The following CCDC61 variants were observed in gnomAD, a reference collection of about 807,000 sequenced individuals.
The protein encoded by CCDC61 is centrosomal protein CCDC61.
A neutral mutation model predicts 63.0 loss-of-function variants in CCDC61; 55 were observed. That is an observed-to-expected ratio of 0.87 (90% CI 0.70 to 1.09). The LOEUF is 1.09. Ranked by LOEUF, CCDC61 falls within the 50% of genes least tolerant of loss-of-function variation. The pLI is 0.00. For missense variants in CCDC61, 651 were observed against 731.4 expected (o/e 0.89, Z 1.27); for synonymous variants, 270 against 317.0 (o/e 0.85, Z 1.58).
At chr19:45,996,204 C>T (rs1392235938) in intron 1 of CCDC61, 1 of 152,314 alleles carries the variant, frequency 6.6e-6, no homozygotes, top group East Asian at 1.9e-4. Context: ...GCTAGCTTCA[C>T]CCTCTTTATC....
At chr19:46,003,946 AT>A (rs918437729) in intron 3 of CCDC61, among the ~76,000 whole-genome samples, 12 of 144,380 alleles carry the variant, frequency 8.3e-5, no homozygotes, top group Admixed American at 6.9e-5. Context: ...TTGTTTGTTT[AT>A]TTTTTTTTTG....
In CCDC61 at chr19:46,005,828, A is replaced by G. The variant is rs1227868274; in HGVS notation, c.232-731A>G. 2.0e-5 allele frequency among the ~76,000 whole-genome samples: 3 copies of G among 151,996 alleles called. No individual in the cohort carries two copies. The East Asian group carries it at 5.8e-4, about 29-fold the overall frequency. On this transcript the variant is annotated intron_variant, in intron 3 of 13. Transcript: ENST00000595358. ...CAAGTAAAAATAGTGTTCTATGAAA[A>G]GTGGCTAATTTAGCTCAAAACTCAG...
At chr19:46,014,091 G>A (rs1054871831) in intron 5 of CCDC61, among the ~76,000 whole-genome samples, 7 of 151,952 alleles carry the variant, frequency 4.6e-5, no homozygotes, top group Admixed American at 3.3e-4. Context: ...TTCCAAAACT[G>A]AAAAAGAGGG....
chr19:46,008,402 C>G (rs1968759527), intron 5 of CCDC61, 101 bp downstream of exon 5: 3 of 992,448 alleles, frequency 3.0e-6, no homozygotes, highest in Admixed American at 2.8e-5. Flanking sequence ...CTGTCCTTCG[C>G]CCACCACGTA....
Position 46,016,657 on chromosome 19 carries a change from G to C in CCDC61, c.1092-37G>C. 2 of 1,608,916 alleles carry C rather than the reference G, an allele frequency of 1.2e-6. No homozygotes were observed. ...AGTGACCCCCTTGCCTGCAGGAGTT[G>C]GGCGTACAGACCGGCGTCTCCTTTC... On this transcript the variant is annotated intron_variant, in intron 9 of 13. Coordinates refer to ENST00000595358, the MANE Select transcript of CCDC61 (RefSeq NM_001267723.2). This position sits in a 1 kb window ranked among gnomAD's most constrained non-coding sequence, Gnocchi z 7.2.
Position 46,016,515 on chromosome 19 carries a change from C to A in CCDC61, c.1091+122C>A. 7.2e-7 allele frequency: 1 copy of A among 1,385,652 alleles called. No homozygotes were observed. Among genetic ancestry groups the A allele is most frequent in the Non-Finnish European group, 1.0e-6 (1 of 1,003,376 alleles). The allele number at this position is 1,385,652 out of a possible 1,614,324, so 85.8% of individuals were successfully genotyped here. A position where few individuals can be genotyped will look rare whatever the true frequency, so the allele number is the denominator to read the frequency against. On this transcript the variant is annotated intron_variant, in intron 9 of 13. Transcript: ENST00000595358. The surrounding 1 kb of genome is among the most constrained non-coding windows in gnomAD (Gnocchi z 7.2). ...CCACCTGCTCGCTTCTCGCCGGATACCCCGCCTGCTCTCCCTTCCGTCCGT... is the reference window on the plus strand; with the variant it reads ...CCACCTGCTCGCTTCTCGCCGGATAACCCGCCTGCTCTCCCTTCCGTCCGT...
At position 46,015,979 on chromosome 19, in the gene CCDC61, T is replaced by A; in HGVS notation, c.846-75T>A. On this transcript the variant is annotated intron_variant, in intron 7 of 13. Transcript: ENST00000595358. The surrounding 1 kb of genome is among the most constrained non-coding windows in gnomAD (Gnocchi z 5.3). ...GGTAGGCCTGAGGGTTCGGAGAAGG[T>A]GCGGTCGGGGAGGAGTCTCGCGATT... 1 of 1,194,708 alleles carries A rather than the reference T, an allele frequency of 8.4e-7. No homozygotes were observed. 74.0% of individuals were successfully genotyped at this position (1,194,708 alleles called of 1,614,324 possible). A position where few individuals can be genotyped will look rare whatever the true frequency, so the allele number is the denominator to read the frequency against.
Position 46,018,442 on chromosome 19 carries a change from G to C in CCDC61, c.*55G>C, listed in dbSNP as rs1048220040. 2.8e-6 allele frequency: 4 copies of C among 1,448,476 alleles called. No homozygotes were observed. The highest frequency in any genetic ancestry group is 1.3e-5 in the South Asian group (1 of 79,894). The allele number at this position is 1,448,476 out of a possible 1,614,324, so 89.7% of individuals were successfully genotyped here. A position where few individuals can be genotyped will look rare whatever the true frequency, so the allele number is the denominator to read the frequency against. On this transcript the variant is annotated 3_prime_UTR_variant, in exon 14 of 14. Coordinates refer to ENST00000595358, the MANE Select transcript of CCDC61 (RefSeq NM_001267723.2). The surrounding 1 kb of genome is among the most constrained non-coding windows in gnomAD (Gnocchi z 4.2). Reference sequence around the variant, plus strand: ...CCCACCCACTTGCTGGGTATGGTGTGGGGGGTGGGGCCAGGGTGGCCTCCA... The same window carrying C: ...CCCACCCACTTGCTGGGTATGGTGTCGGGGGTGGGGCCAGGGTGGCCTCCA...
intron 3 of CCDC61, among the ~76,000 whole-genome samples, chr19:46,005,020 A>AT (rs1968676137): frequency 1.3e-5 from 2 of 149,178 alleles, no homozygotes; most frequent in African/African-American, 5.0e-5. Flanking sequence ...GTATTTATTT[A>AT]TTTATTTTTT....
chr19:46,018,209 C>T lies in CCDC61; in HGVS notation c.1441+59C>T, dbSNP rs988586264. 41 of 1,552,290 alleles carry T rather than the reference C, an allele frequency of 2.6e-5. No individual in the cohort carries two copies. Among genetic ancestry groups the T allele is most frequent in the South Asian group, 1.8e-4 (15 of 84,604 alleles). On this transcript the variant is annotated intron_variant, in intron 13 of 13. Coordinates refer to ENST00000595358, the MANE Select transcript of CCDC61 (RefSeq NM_001267723.2). This position sits in a 1 kb window ranked among gnomAD's most constrained non-coding sequence, Gnocchi z 4.2. ...CCCAGGACCCGTTGGAATGGTAGTGCGGGCAGTGGTATATTGGGCCCAGGA... is the reference window on the plus strand; with the variant it reads ...CCCAGGACCCGTTGGAATGGTAGTGTGGGCAGTGGTATATTGGGCCCAGGA...
At position 46,016,435 on chromosome 19, in the gene CCDC61, C is replaced by T. The variant is rs565262404; in HGVS notation, c.1091+42C>T. 3.1e-6 allele frequency: 5 copies of T among 1,601,954 alleles called. No homozygotes were observed. Among genetic ancestry groups the T allele is most frequent in the African/African-American group, 1.3e-5 (1 of 74,774 alleles). ...CCCTCACCTGCCCCTGTCCCTGGCC[C>T]GTGCCCGCTCCCGGGCTCTCATCTC... On this transcript the variant is annotated intron_variant, in intron 9 of 13. Transcript: ENST00000595358. This position sits in a 1 kb window ranked among gnomAD's most constrained non-coding sequence, Gnocchi z 7.2.
chr19:46,010,343 G>A (rs537169296), intron 5 of CCDC61, among the ~76,000 whole-genome samples: 1 of 152,230 alleles, frequency 6.6e-6, no homozygotes, highest in Non-Finnish European at 1.5e-5. Flanking sequence ...GACAGGTGGA[G>A]GCTCTGCCCC....
rs749430823 is a variant in CCDC61, at chr19:46,006,624, G to A, written c.297G>A (p.Lys99=). Residue 99 remains lysine (K), a synonymous_variant, in exon 4 of 14, where the codon AAG becomes AAA. Coordinates refer to ENST00000595358, the MANE Select transcript of CCDC61 (RefSeq NM_001267723.2). ...YTDLESLRNR[K]MGGRPGSLAP... ...ACCTGGAGTCCCTGCGGAACCGCAA[G>A]ATGGGGGGCCGCCCAGGCTCCTTGG... The A allele has an allele frequency of 1.9e-6, 3 of 1,613,856 alleles. No individual in the cohort carries two copies. Among genetic ancestry groups the A allele is most frequent in the Non-Finnish European group, 2.5e-6 (3 of 1,179,804 alleles).
chr19:45,995,634 GGGTGC>G (rs1188428293), intron 1 of CCDC61, 130 bp downstream of exon 1: 1 of 363,688 alleles, frequency 2.7e-6, no homozygotes, highest in Non-Finnish European at 5.5e-6. Flanking sequence ...TCGGGAGGGA[GGGTGC>G]CCTTTAACAA....
intron 4 of CCDC61, 145 bp downstream of exon 4, chr19:46,006,861 A>G: frequency 1.4e-6 from 1 of 738,402 alleles, no homozygotes; most frequent in Non-Finnish European, 2.2e-6. Flanking sequence ...GGTTTGTATC[A>G]TTTAGTATTG....
Position 46,016,289 on chromosome 19 carries a change from T to C in CCDC61, c.1016-29T>C, listed in dbSNP as rs892701397. The C allele has an allele frequency of 1.9e-6, 3 of 1,612,358 alleles. No individual in the cohort carries two copies. The highest frequency in any genetic ancestry group is 2.5e-6 in the Non-Finnish European group (3 of 1,179,082). The stretch of plus-strand genomic sequence containing the variant: ...CGCTGCCAAGGCCCGTCTCCGGACC[T>C]AGCCGCCTCCTCTCCCACGCCGTCC... On this transcript the variant is annotated intron_variant, in intron 8 of 13. Transcript: ENST00000595358. The surrounding 1 kb of genome is among the most constrained non-coding windows in gnomAD (Gnocchi z 7.2).
Position 46,016,845 on chromosome 19 carries a change from G to C in CCDC61, c.1231+12G>C, listed in dbSNP as rs1968950720. 6 of 1,510,706 alleles carry C rather than the reference G, an allele frequency of 4.0e-6. No homozygotes were observed. Among genetic ancestry groups the C allele is most frequent in the Non-Finnish European group, 5.3e-6 (6 of 1,128,066 alleles). 93.6% of individuals were successfully genotyped at this position (1,510,706 alleles called of 1,614,324 possible). A position where few individuals can be genotyped will look rare whatever the true frequency, so the allele number is the denominator to read the frequency against. On this transcript the variant is annotated intron_variant, in intron 10 of 13. Coordinates refer to ENST00000595358, the MANE Select transcript of CCDC61 (RefSeq NM_001267723.2). The surrounding 1 kb of genome is among the most constrained non-coding windows in gnomAD (Gnocchi z 7.2). ...CCGCAGCTCCTCAGGTAACTGGCCT[G>C]GAGCTGGGGGCTGCCGGGCTAGGCG...
chr19:45,998,490 G>A (rs1338735541), intron 1 of CCDC61, among the ~76,000 whole-genome samples: 1 of 152,172 alleles, frequency 6.6e-6, no homozygotes, highest in African/African-American at 2.4e-5. Context: ...GTCAGGGAGG[G>A]CTTCCTGCAG....
chr19:46,010,069 T>C (rs1490775553), intron 5 of CCDC61, among the ~76,000 whole-genome samples: 3 of 152,218 alleles, frequency 2.0e-5, no homozygotes, highest in Non-Finnish European at 4.4e-5. Context: ...CCAACATTTA[T>C]GGAGTTCATA....
Sources: allele counts gnomAD v4.1 joint callset (sites outside exome capture counted in the v4.1 genomes callset), GRCh38; gene constraint gnomAD v4.1.1; non-coding constraint Gnocchi (gnomAD v3.1); transcripts MANE v1.5; gene names NCBI Gene and HGNC (gene_info 2026-07-23, HGNC 2026-07-21).